The following CDC14B variants were observed in gnomAD, a reference collection of about 807,000 sequenced individuals.
The protein encoded by CDC14B is cell division cycle 14B, also known as dual specificity protein phosphatase CDC14B.
In CDC14B, 22 loss-of-function variants were observed where a neutral mutation model predicts 64.2. The observed-to-expected ratio is 0.34, with a 90% CI of 0.24 to 0.49. The LOEUF (loss-of-function observed/expected upper bound fraction) is 0.49. Ranked by LOEUF, CDC14B falls within the 20% of genes least tolerant of loss-of-function variation. The probability of loss-of-function intolerance (pLI) is 0.99; values close to 1 mark genes in which losing one functional copy is unlikely to be tolerated. For missense variants in CDC14B, 498 were observed against 629.9 expected (o/e 0.79, Z 2.24); for synonymous variants, 191 against 215.8 (o/e 0.89, Z 1.01).
At position 96,575,356 on chromosome 9, in the gene CDC14B, G is replaced by A. The variant is rs541571861; in HGVS notation, c.161-9873C>T. Reference sequence around the variant, plus strand: ...TGACTCCTGTGTTTCTCAATCAGCTGGTCTGGAACTAAGGTAGAAAAAAGT... The same window carrying A: ...TGACTCCTGTGTTTCTCAATCAGCTAGTCTGGAACTAAGGTAGAAAAAAGT... On this transcript the variant is annotated intron_variant, in intron 1 of 13. Transcript: ENST00000375241. Among the ~76,000 whole-genome samples the A allele has an allele frequency of 7.9e-5, 12 of 152,232 alleles. 1 individual carries two copies. The South Asian group carries it at 2.5e-3, about 32-fold the overall frequency.
At chr9:96,609,883 C>A (rs1847195894) in intron 1 of CDC14B, among the ~76,000 whole-genome samples, 1 of 152,156 alleles carries the variant, frequency 6.6e-6, no homozygotes, top group African/African-American at 2.4e-5. Flanking sequence ...GATATGTGAT[C>A]TTATGCAACT....
At chr9:96,566,827 C>A in intron 1 of CDC14B, 1 of 1,604,004 alleles carries the variant, frequency 6.2e-7, no homozygotes, top group Non-Finnish European at 8.5e-7. Flanking sequence ...GACTCCAAAG[C>A]ATCTGGAAGG....
At chr9:96,603,272 C>T (rs1192567594) in intron 1 of CDC14B, among the ~76,000 whole-genome samples, 2 of 151,504 alleles carry the variant, frequency 1.3e-5, no homozygotes, top group Non-Finnish European at 2.9e-5. Flanking sequence ...CAGGAAAGTG[C>T]CTTAGTCTAT....
chr9:96,546,847 G>C (rs1840962824), intron 5 of CDC14B, among the ~76,000 whole-genome samples: 1 of 151,894 alleles, frequency 6.6e-6, no homozygotes, highest in South Asian at 2.1e-4. Flanking sequence ...AGGATCATGA[G>C]GTCAGGAGAT....
At chr9:96,499,530 T>C (rs1423424835), downstream of CDC14B, among the ~76,000 whole-genome samples, 1 of 152,200 alleles carries the variant, frequency 6.6e-6, no homozygotes, top group African/African-American at 2.4e-5. Flanking sequence ...TTAAGTCTTA[T>C]CTTTAGAGGT....
At chr9:96,528,677 T>C (rs532005496) in intron 9 of CDC14B, among the ~76,000 whole-genome samples, 1 of 152,344 alleles carries the variant, frequency 6.6e-6, no homozygotes, top group African/African-American at 2.4e-5. Context: ...CCACACCATT[T>C]TCCATAGCAG....
chr9:96,604,493 G>A (rs889803567), intron 1 of CDC14B, among the ~76,000 whole-genome samples: 4 of 151,542 alleles, frequency 2.6e-5, no homozygotes, highest in Non-Finnish European at 4.4e-5. Context: ...CGATTCTCCT[G>A]CCTCAGCCTC....
chr9:96,561,471 CA>C (rs2132248737), intron 4 of CDC14B, among the ~76,000 whole-genome samples: 1 of 152,006 alleles, frequency 6.6e-6, no homozygotes, highest in Non-Finnish European at 1.5e-5. Context: ...TAAAGAGCTC[CA>C]AAAACAACCC....
chr9:96,587,345 A>ACACACGGAGGAAATAAACCTATCAGTT (rs1845506492), intron 1 of CDC14B, among the ~76,000 whole-genome samples: 3 of 152,248 alleles, frequency 2.0e-5, no homozygotes, highest in Non-Finnish European at 2.9e-5. Context: ...AATGGACAGC[A>ACACACGGAGGAAATAAACCTATCAGTT]CACACGGAGG....
intron 13 of CDC14B, among the ~76,000 whole-genome samples, chr9:96,506,168 G>A (rs986864193): frequency 1.3e-5 from 2 of 152,122 alleles, no homozygotes; most frequent in African/African-American, 4.8e-5. Flanking sequence ...GGGATGAAAG[G>A]ACCCCAAAAG....
At chr9:96,589,837 T>C (rs1588040275) in intron 1 of CDC14B, among the ~76,000 whole-genome samples, 1 of 151,682 alleles carries the variant, frequency 6.6e-6, no homozygotes, top group Non-Finnish European at 1.5e-5. Context: ...GGCGGGTGCC[T>C]GTAGTCCCAG....
chr9:96,523,316 A>C lies in CDC14B; in HGVS notation c.1190T>G (p.Val397Gly). ...RAAFSKLLSGVDDISINGVEN... is the reference protein window; with the variant it reads ...RAAFSKLLSGGDDISINGVEN... Reference sequence around the variant, plus strand: ...GACCCCATTTATGGAAATGTCATCAACGCCAGAGAGAAGTTTGGAGAAGGC... The same window carrying C: ...GACCCCATTTATGGAAATGTCATCACCGCCAGAGAGAAGTTTGGAGAAGGC... Residue 397 changes from valine to glycine, a missense_variant, in exon 11 of 14, where the codon GTT becomes GGT. Transcript: ENST00000375241. 1 of 1,614,106 alleles carries C rather than the reference A, an allele frequency of 6.2e-7. No individual in the cohort carries two copies. Among genetic ancestry groups the C allele is most frequent in the Non-Finnish European group, 8.5e-7 (1 of 1,180,014 alleles).
At chr9:96,546,997 G>A (rs1443412053) in intron 5 of CDC14B, among the ~76,000 whole-genome samples, 1 of 151,988 alleles carries the variant, frequency 6.6e-6, no homozygotes, top group Non-Finnish European at 1.5e-5. Flanking sequence ...AGGAGGCGGA[G>A]CTTGCCGTGA....
At chr9:96,509,990 G>T (rs1395577209) in intron 12 of CDC14B, among the ~76,000 whole-genome samples, 1 of 152,146 alleles carries the variant, frequency 6.6e-6, no homozygotes, top group Non-Finnish European at 1.5e-5. Flanking sequence ...CTCTTTGAAG[G>T]TTACACAAAG....
chr9:96,545,394 T>C (rs1840661439), intron 5 of CDC14B, among the ~76,000 whole-genome samples: 1 of 151,178 alleles, frequency 6.6e-6, no homozygotes, highest in Non-Finnish European at 1.5e-5. Context: ...CTTGGCTCAC[T>C]GTAAGCTCCA....
At chr9:96,577,893 T>C in intron 1 of CDC14B, among the ~76,000 whole-genome samples, 1 of 152,354 alleles carries the variant, frequency 6.6e-6, no homozygotes, top group East Asian at 1.9e-4. Context: ...AATGGGAACT[T>C]ACTTACAATG....
chr9:96,542,842 C>G (rs1473321675), intron 5 of CDC14B, among the ~76,000 whole-genome samples: 1 of 151,516 alleles, frequency 6.6e-6, no homozygotes, highest in Non-Finnish European at 1.5e-5. Flanking sequence ...AACCCTGTCT[C>G]TACTAAAAAT....
At chr9:96,597,429 G>A (rs2118745316) in intron 1 of CDC14B, among the ~76,000 whole-genome samples, 1 of 151,894 alleles carries the variant, frequency 6.6e-6, no homozygotes, top group African/African-American at 2.4e-5. Context: ...AGGAGGCGGA[G>A]GTTGCAGTGA....
At chr9:96,608,736 A>C (rs1847122318) in intron 1 of CDC14B, among the ~76,000 whole-genome samples, 1 of 152,172 alleles carries the variant, frequency 6.6e-6, no homozygotes, top group Non-Finnish European at 1.5e-5. Context: ...CAAGAGATCC[A>C]AATTAGAGAT....
Sources: gnomAD v4.1 joint callset for allele counts (sites outside exome capture counted in the v4.1 genomes callset) on GRCh38, gnomAD v4.1.1 for gene constraint, MANE v1.5 for transcripts, NCBI Gene and HGNC (gene_info 2026-07-23, HGNC 2026-07-21) for gene names.